Variants in CWC15 observed in about 807,000 individuals in gnomAD.
The protein encoded by CWC15 is CWC15 spliceosome associated protein, also known as spliceosome-associated protein CWC15 homolog.
In CWC15, 12 loss-of-function variants were observed where a neutral mutation model predicts 28.4. The observed-to-expected ratio is 0.42, with a 90% confidence interval of 0.27 to 0.69. CWC15 has a LOEUF of 0.69. Ranked by LOEUF, CWC15 falls within the 30% of genes least tolerant of loss-of-function variation. The pLI is 0.23. For synonymous variants in CWC15, 92 were observed against 88.4 expected (o/e 1.04, Z -0.23); for missense variants, 192 against 271.5 (o/e 0.71, Z 2.06).
chr11:94,964,280 T>C (rs950498971), intron 6 of CWC15, among the ~76,000 whole-genome samples: 1 of 148,524 alleles, frequency 6.7e-6, no homozygotes, highest in East Asian at 2.0e-4. Flanking sequence ...CATATGTGTG[T>C]GTTTATGTGT....
At chr11:94,963,563 G>A (rs587710196) in intron 6 of CWC15, 49 bp from the exon 7 acceptor site, 3 of 1,519,898 alleles carry the variant, frequency 2.0e-6, no homozygotes, top group East Asian at 2.5e-5. Flanking sequence ...TGTATCAGGA[G>A]ACAAGAATAC....
intron 3 of CWC15, 90 bp downstream of exon 3, chr11:94,971,285 A>G: frequency 8.9e-7 from 1 of 1,129,510 alleles, no homozygotes; most frequent in Non-Finnish European, 1.3e-6. Flanking sequence ...GTAAAAGTAA[A>G]CAAATGGTTA....
intron 1 of CWC15, 132 bp from the exon 2 acceptor site, chr11:94,972,325 A>G: frequency 1.2e-6 from 1 of 858,292 alleles, no homozygotes; most frequent in Non-Finnish European, 1.8e-6. Flanking sequence ...CTTCTTAAAC[A>G]AAAGTTTTCA....
intron 1 of CWC15, among the ~76,000 whole-genome samples, chr11:94,973,057 G>A (rs587596146): frequency 6.8e-6 from 1 of 148,058 alleles, no homozygotes; most frequent in South Asian, 2.2e-4. Context: ...TGGGGGGGGG[G>A]CGATGCTAAT....
intron 5 of CWC15, among the ~76,000 whole-genome samples, chr11:94,967,495 A>G (rs1857662363): frequency 6.6e-6 from 1 of 152,238 alleles, no homozygotes; most frequent in Non-Finnish European, 1.5e-5. Flanking sequence ...TCTACCTGTT[A>G]ACATGTTATC....
At chr11:94,963,576 C>T (rs1857597292) in intron 6 of CWC15, 62 bp from the exon 7 acceptor site, 1 of 1,443,880 alleles carries the variant, frequency 6.9e-7, no homozygotes, top group Non-Finnish European at 9.3e-7. Context: ...AAGAATACTA[C>T]ATGCACTGCA....
chr11:94,963,926 T>C (rs771656049), intron 6 of CWC15, among the ~76,000 whole-genome samples: 18 of 152,210 alleles, frequency 1.2e-4, no homozygotes, highest in African/African-American at 3.4e-4. Flanking sequence ...TTGGGGATTG[T>C]AGATATTCCT....
chr11:94,970,997 C>T lies in CWC15; in HGVS notation c.313G>A (p.Ala105Thr), dbSNP rs1231168781. 11 of 1,613,370 alleles carry T rather than the reference C, an allele frequency of 6.8e-6. No homozygotes were observed. Among genetic ancestry groups the T allele is most frequent in the Non-Finnish European group, 9.3e-6 (11 of 1,179,338 alleles). ...CATACATCTGTTAGAGGGTCATCTGCATCAAGGTTGGCGGCAGGAATCTGG... is the reference window on the plus strand; with the variant it reads ...CATACATCTGTTAGAGGGTCATCTGTATCAAGGTTGGCGGCAGGAATCTGG... ...LDQIPAANLD[A>T]DDPLTDEEDE... Residue 105 changes from alanine to threonine, a missense_variant, in exon 4 of 7, where the codon GCA becomes ACA. Physicochemically the swap from Ala to Thr is moderately conservative, Grantham distance 58. Transcript: ENST00000279839.
At chr11:94,964,695 C>T (rs587767615) in intron 6 of CWC15, among the ~76,000 whole-genome samples, 1 of 152,296 alleles carries the variant, frequency 6.6e-6, no homozygotes, top group South Asian at 2.1e-4. Flanking sequence ...CAGTTCTCCT[C>T]CCTTCCCAAC....
rs1023686447 is a variant in CWC15, at chr11:94,968,135, A to C, written c.442-1722T>G. Among the ~76,000 whole-genome samples, 121 of 152,172 alleles carry C rather than the reference A, an allele frequency of 8.0e-4. 1 individual carries two copies. The highest frequency in any genetic ancestry group is 2.8e-3 in the African/African-American group (115 of 41,416). On this transcript the variant is annotated intron_variant, in intron 5 of 6. Coordinates refer to ENST00000279839, the MANE Select transcript of CWC15 (RefSeq NM_016403.4). ...CAAATCCTAACTAACTGTTTTTGTA[A>C]ATATTTTATTGAAACATTGCCACAC...
chr11:94,968,152 T>C (rs587666030), intron 5 of CWC15, among the ~76,000 whole-genome samples: 1 of 152,332 alleles, frequency 6.6e-6, no homozygotes, highest in South Asian at 2.1e-4. Context: ...TATTGAAACA[T>C]TGCCACACTT....
At position 94,970,070 on chromosome 11, in the gene CWC15, T is replaced by G; in HGVS notation, c.360A>C (p.Glu120Asp). 6.4e-7 allele frequency: 1 copy of G among 1,555,834 alleles called. No homozygotes were observed. The highest frequency in any genetic ancestry group is 8.7e-7 in the Non-Finnish European group (1 of 1,147,376). The change falls in exon 5 of 7, where the codon GAA becomes GAC. Residue 120 changes from glutamate (E) to aspartate (D), a missense_variant. Glu to Asp is a conservative substitution (Grantham distance 45). Transcript: ENST00000279839. ...TDEEDEDFEE[E>D]SDDDDTAALL... ...GAGCTGCAGTATCATCATCATCACT[T>G]TCTTCTTCAAAATCTTCATCTTCCT...
intron 4 of CWC15, 112 bp downstream of exon 4, chr11:94,970,864 TA>T: frequency 1.1e-6 from 1 of 882,176 alleles, no homozygotes; most frequent in Non-Finnish European, 1.9e-6. Context: ...TATATTTGAA[TA>T]ACAGTAACTA....
chr11:94,971,801 G>T (rs1857725454), intron 2 of CWC15, among the ~76,000 whole-genome samples: 1 of 152,070 alleles, frequency 6.6e-6, no homozygotes. Context: ...TATACTGACT[G>T]GTGCTCATAG....
intron 1 of CWC15, among the ~76,000 whole-genome samples, chr11:94,973,047 T>TG (rs149342141): frequency 0.17 from 17,211 of 102,640 alleles, 1,168 homozygotes; most frequent in Middle Eastern, 0.21. Context: ...GAGGATTTTT[T>TG]GGGGGGGGGG....
At chr11:94,972,682 T>G (rs1555096392) in intron 1 of CWC15, among the ~76,000 whole-genome samples, 1 of 152,112 alleles carries the variant, frequency 6.6e-6, no homozygotes, top group Non-Finnish European at 1.5e-5. Context: ...AAACAAAAGC[T>G]AAAAACAAAC....
intron 6 of CWC15, among the ~76,000 whole-genome samples, chr11:94,964,668 CTT>C (rs1292285498): frequency 4.6e-5 from 7 of 152,174 alleles, no homozygotes; most frequent in African/African-American, 1.7e-4. Flanking sequence ...TCCTGAAACA[CTT>C]TGTTTCACTT....
rs1555095946 is a variant in CWC15 at position 94,970,112 on chromosome 11, G to C, written c.334-16C>G. ...CATCTTCCTCCTAAAAGAACAGTGA[G>C]AGCCCAGAAGATTGGAGGGAAAATA... On this transcript the variant is annotated splice_polypyrimidine_tract_variant and intron_variant, in intron 4 of 6. Transcript: ENST00000279839. The C allele has an allele frequency of 1.5e-6, 2 of 1,309,196 alleles. No individual in the cohort carries two copies. Among genetic ancestry groups the C allele is most frequent in the South Asian group, 2.6e-5 (2 of 75,814 alleles). The allele number at this position is 1,309,196 out of a possible 1,614,324, so 81.1% of individuals were successfully genotyped here.
chr11:94,967,999 G>C (rs1019520344), intron 5 of CWC15, among the ~76,000 whole-genome samples: 3 of 152,202 alleles, frequency 2.0e-5, no homozygotes, highest in African/African-American at 7.2e-5. Flanking sequence ...TGGGGTTACT[G>C]AATGATTGCC....
Sources: gnomAD v4.1 joint callset for allele counts (sites outside exome capture counted in the v4.1 genomes callset) on GRCh38, gnomAD v4.1.1 for gene constraint, MANE v1.5 for transcripts, NCBI Gene and HGNC (gene_info 2026-07-23, HGNC 2026-07-21) for gene names.